Variants in PDE4D observed in about 807,000 individuals in gnomAD.
PDE4D encodes phosphodiesterase 4D, also known as 3',5'-cyclic-AMP phosphodiesterase 4D.
PDE4D carries 24 observed loss-of-function variants against 87.4 expected under a neutral mutation model. That is an observed-to-expected ratio of 0.27 (90% CI 0.20 to 0.39). PDE4D has a LOEUF of 0.39. Among genes scored for constraint, PDE4D ranks in the 10% least tolerant of loss-of-function variants. The pLI is 1.00. For missense variants in PDE4D, 714 were observed against 1,041.0 expected (o/e 0.69, Z 4.32); for synonymous variants, 384 against 383.2 (o/e 1.00, Z -0.02).
chr5:59,951,119 A>G (rs1758251536), intron 3 of PDE4D, among the ~76,000 whole-genome samples: 1 of 152,192 alleles, frequency 6.6e-6, no homozygotes, highest in African/African-American at 2.4e-5. Flanking sequence ...TAATATTTTC[A>G]TGTAATATCA....
intron 1 of PDE4D, among the ~76,000 whole-genome samples, chr5:59,383,058 G>A (rs1447387675): frequency 6.6e-6 from 1 of 152,110 alleles, no homozygotes; most frequent in Non-Finnish European, 1.5e-5. Context: ...AAAGTAACAA[G>A]TTTTACATTT....
chr5:59,127,877 C>A (rs928136627), intron 5 of PDE4D, among the ~76,000 whole-genome samples: 1 of 151,982 alleles, frequency 6.6e-6, no homozygotes, highest in African/African-American at 2.4e-5. Flanking sequence ...CGCTGCAATC[C>A]ACCAGACAGT....
intron 5 of PDE4D, among the ~76,000 whole-genome samples, chr5:59,069,236 AC>A (rs1405835178): frequency 6.6e-6 from 1 of 152,178 alleles, no homozygotes; most frequent in Non-Finnish European, 1.5e-5. Flanking sequence ...ACACAGTTTT[AC>A]CTCTTTTACA....
At chr5:59,050,660 C>G (rs1761414932) in intron 5 of PDE4D, among the ~76,000 whole-genome samples, 1 of 152,190 alleles carries the variant, frequency 6.6e-6, no homozygotes, top group Non-Finnish European at 1.5e-5. Flanking sequence ...TATAAGAGCT[C>G]TTCATGGGAA....
intron 6 of PDE4D, chr5:58,999,579 A>ACAT: frequency 8.3e-7 from 1 of 1,200,762 alleles, no homozygotes; most frequent in Non-Finnish European, 1.1e-6. Context: ...GTATATATAT[A>ACAT]GTAAGCTCTA....
chr5:60,062,839 C>G (rs752318879), intron 2 of PDE4D, among the ~76,000 whole-genome samples: 6 of 151,968 alleles, frequency 3.9e-5, no homozygotes, highest in Non-Finnish European at 8.8e-5. Context: ...AGAAATCCAT[C>G]TTACTCATAA....
intron 1 of PDE4D, among the ~76,000 whole-genome samples, chr5:59,722,411 T>C (rs1580679556): frequency 6.6e-6 from 1 of 152,186 alleles, no homozygotes; most frequent in East Asian, 1.9e-4. Flanking sequence ...CAACTAAAAG[T>C]TTATTCTAAC....
At chr5:59,292,471 G>A (rs1187836089) in intron 1 of PDE4D, among the ~76,000 whole-genome samples, 1 of 152,050 alleles carries the variant, frequency 6.6e-6, no homozygotes, top group East Asian at 1.9e-4. Context: ...AACAGTCTGG[G>A]AAGGGTCTTT....
At chr5:60,456,929 A>G (rs1037282475) in intron 1 of PDE4D, among the ~76,000 whole-genome samples, 10 of 152,122 alleles carry the variant, frequency 6.6e-5, no homozygotes, top group African/African-American at 2.4e-4. Flanking sequence ...TTGGGCTTTA[A>G]TCTGGTCACG....
At chr5:60,373,001 T>C (rs1038341712) in intron 1 of PDE4D, among the ~76,000 whole-genome samples, 25 of 152,244 alleles carry the variant, frequency 1.6e-4, no homozygotes, top group Non-Finnish European at 3.2e-4. Flanking sequence ...ATGTTTACCA[T>C]TGACTAGCTC....
chr5:60,475,498 G>A (rs769501479), intron 1 of PDE4D, among the ~76,000 whole-genome samples: 5 of 152,120 alleles, frequency 3.3e-5, no homozygotes, highest in Admixed American at 1.3e-4. Context: ...GTCATCCTAT[G>A]ACGAAAATGG....
intron 1 of PDE4D, among the ~76,000 whole-genome samples, chr5:59,315,338 T>C (rs934192689): frequency 6.6e-6 from 1 of 152,110 alleles, no homozygotes. Flanking sequence ...GATGGGACCA[T>C]TCTGTTCTGA....
chr5:59,547,534 ACT>A (rs1491296428), intron 1 of PDE4D, among the ~76,000 whole-genome samples: 15 of 152,278 alleles, frequency 9.9e-5, no homozygotes, highest in Non-Finnish European at 1.9e-4. Context: ...CCAAATTTTG[ACT>A]TTTTTGACAG....
At chr5:59,587,472 A>T in intron 1 of PDE4D, 1 of 985,400 alleles carries the variant, frequency 1.0e-6, no homozygotes, top group Non-Finnish European at 1.2e-6. Flanking sequence ...TTTAAAACAC[A>T]ATGGCAACAG....
chr5:59,556,349 C>G (rs1037504586), intron 1 of PDE4D, among the ~76,000 whole-genome samples: 5 of 152,184 alleles, frequency 3.3e-5, no homozygotes, highest in Admixed American at 3.3e-4. Flanking sequence ...TCTGCTGTGC[C>G]AGGTGACTCT....
intron 1 of PDE4D, among the ~76,000 whole-genome samples, chr5:59,856,185 T>C (rs541845158): frequency 6.6e-6 from 1 of 152,278 alleles, no homozygotes; most frequent in African/African-American, 2.4e-5. Context: ...ATGACTTTGC[T>C]ATTGCCTTTA....
intron 1 of PDE4D, among the ~76,000 whole-genome samples, chr5:60,415,124 T>A (rs957006084): frequency 6.6e-6 from 1 of 152,234 alleles, no homozygotes; most frequent in African/African-American, 2.4e-5. Flanking sequence ...TGGTACTCAT[T>A]AATGTGCATG....
chr5:59,677,972 T>C (rs538468003), intron 1 of PDE4D, among the ~76,000 whole-genome samples: 68 of 152,328 alleles, frequency 4.5e-4, no homozygotes, highest in African/African-American at 1.6e-3. Flanking sequence ...TCTTTGTATG[T>C]TCAAGTGCTA....
intron 5 of PDE4D, among the ~76,000 whole-genome samples, chr5:59,101,115 A>C (rs1407803788): frequency 6.6e-6 from 1 of 152,036 alleles, no homozygotes; most frequent in Non-Finnish European, 1.5e-5. Context: ...ATCAGCCCTC[A>C]CTCAACAATC....
Sources: allele counts gnomAD v4.1 joint callset (sites outside exome capture counted in the v4.1 genomes callset), GRCh38; gene constraint gnomAD v4.1.1; transcripts MANE v1.5; gene names NCBI Gene and HGNC (gene_info 2026-07-23, HGNC 2026-07-21).